Variants in FBLN2 observed in about 807,000 individuals in gnomAD.
The protein encoded by FBLN2 is fibulin-2.
Under a neutral mutation model 123.7 loss-of-function variants are expected in FBLN2, and 81 were observed. The observed-to-expected ratio is 0.65, with a 90% confidence interval of 0.55 to 0.79. The LOEUF is 0.79. Among genes scored for constraint, FBLN2 ranks in the 30% least tolerant of loss-of-function variants. The probability of loss-of-function intolerance (pLI) is 0.00; values close to 1 mark genes in which losing one functional copy is unlikely to be tolerated. For missense variants in FBLN2, 1,603 were observed against 1,681.3 expected (o/e 0.95, Z 0.81); for synonymous variants, 699 against 701.4 (o/e 1.00, Z 0.05).
intron 9 of FBLN2, 45 bp downstream of exon 9, chr3:13,621,960 T>A: frequency 3.1e-6 from 5 of 1,594,856 alleles, no homozygotes; most frequent in Non-Finnish European, 3.4e-6. Context: ...AGCTCTCCGC[T>A]CTGCTCCACG....
chr3:13,583,355 C>T (rs1451656265), intron 2 of FBLN2, among the ~76,000 whole-genome samples: 2 of 152,268 alleles, frequency 1.3e-5, no homozygotes, highest in Non-Finnish European at 1.5e-5. Flanking sequence ...GAGGCCCAGG[C>T]AGGTTAAGTG....
At chr3:13,624,590 G>A (rs1474064327) in intron 9 of FBLN2, among the ~76,000 whole-genome samples, 1 of 152,176 alleles carries the variant, frequency 6.6e-6, no homozygotes, top group Non-Finnish European at 1.5e-5. Flanking sequence ...TTTCCCCAGG[G>A]CCTTGGCCTC....
chr3:13,590,589 A>T (rs9854563), intron 2 of FBLN2, among the ~76,000 whole-genome samples: 1 of 150,496 alleles, frequency 6.6e-6, no homozygotes, highest in Non-Finnish European at 1.5e-5. Flanking sequence ...GCCTCCCAAA[A>T]TGCTGGGATT....
At chr3:13,609,689 C>CGCCCG in intron 4 of FBLN2, 47 bp downstream of exon 4, 2 of 428,810 alleles carry the variant, frequency 4.7e-6, no homozygotes, top group Non-Finnish European at 9.3e-6. Flanking sequence ...TGGGGCGGGG[C>CGCCCG]GGGAGGCTGG....
chr3:13,627,039 C>A (rs968121842), intron 10 of FBLN2, among the ~76,000 whole-genome samples: 4 of 151,960 alleles, frequency 2.6e-5, no homozygotes, highest in African/African-American at 7.2e-5. Context: ...TACCAGGGAT[C>A]CAGGGTGGGG....
chr3:13,629,896 T>C lies in FBLN2; in HGVS notation c.2919T>C (p.Cys973=). The C allele has an allele frequency of 6.2e-7, 1 of 1,606,284 alleles. No homozygotes were observed. Among genetic ancestry groups the C allele is most frequent in the South Asian group, 1.1e-5 (1 of 89,262 alleles). The change falls in exon 14 of 18, where the codon TGT becomes TGC. Residue 973 remains cysteine (C), a synonymous_variant. Transcript: ENST00000404922. ...TCENTLGSYR[C]SCASGFLLAA... ...AGAACACACTCGGCTCCTACCGCTG[T>C]TCCTGCGCCTCCGGGTTCCTGCTAG...
intron 4 of FBLN2, among the ~76,000 whole-genome samples, chr3:13,612,518 C>G (rs1347928119): frequency 6.6e-6 from 1 of 151,878 alleles, no homozygotes; most frequent in Non-Finnish European, 1.5e-5. Flanking sequence ...GTAGGTGGGA[C>G]TACAGGTGCC....
chr3:13,576,024 G>C (rs972324741), intron 2 of FBLN2, among the ~76,000 whole-genome samples: 1 of 152,190 alleles, frequency 6.6e-6, no homozygotes, highest in Admixed American at 6.6e-5. Flanking sequence ...GGCGAGTTCT[G>C]TGCCCTGCCC....
At chr3:13,579,475 T>C (rs936034112) in intron 2 of FBLN2, among the ~76,000 whole-genome samples, 3 of 152,242 alleles carry the variant, frequency 2.0e-5, no homozygotes, top group Non-Finnish European at 2.9e-5. Flanking sequence ...AGGACCACAC[T>C]TGAGAACCAC....
At chr3:13,631,929 A>C (rs1706271845) in intron 16 of FBLN2, among the ~76,000 whole-genome samples, 1 of 152,126 alleles carries the variant, frequency 6.6e-6, no homozygotes. Context: ...ACCCTGGTGC[A>C]GAAGGGCATT....
intron 2 of FBLN2, among the ~76,000 whole-genome samples, chr3:13,603,375 T>C (rs1219668571): frequency 6.7e-6 from 1 of 150,056 alleles, no homozygotes; most frequent in Non-Finnish European, 1.5e-5. Flanking sequence ...CTCCTAATGC[T>C]ATCCTTCCCC....
chr3:13,635,931 G>A (rs929249210), intron 16 of FBLN2, among the ~76,000 whole-genome samples: 1 of 152,228 alleles, frequency 6.6e-6, no homozygotes, highest in Non-Finnish European at 1.5e-5. Flanking sequence ...GGAGGGTGAT[G>A]GGGCAGGAGG....
Position 13,549,165 on chromosome 3 carries a change from G to A in FBLN2, c.-85G>A, listed in dbSNP as rs1415883896. 1.0e-6 allele frequency: 1 copy of A among 983,060 alleles called. No individual in the cohort carries two copies. Among genetic ancestry groups the A allele is most frequent in the South Asian group, 4.7e-5 (1 of 21,276 alleles). 60.9% of individuals were successfully genotyped at this position (983,060 alleles called of 1,614,324 possible). On this transcript the variant is annotated 5_prime_UTR_variant, in exon 1 of 18. Coordinates refer to ENST00000404922, the MANE Select transcript of FBLN2 (RefSeq NM_001004019.2). ...CCGCCCGGGCTCTCGACGCGCCGACGGCCGGGCGGACGGACGGACGGACGC... is the reference window on the plus strand; with the variant it reads ...CCGCCCGGGCTCTCGACGCGCCGACAGCCGGGCGGACGGACGGACGGACGC...
intron 1 of FBLN2, among the ~76,000 whole-genome samples, chr3:13,556,275 G>A (rs184462153): frequency 6.6e-6 from 1 of 152,036 alleles, no homozygotes; most frequent in Non-Finnish European, 1.5e-5. Flanking sequence ...TTTTCTTCCC[G>A]GCATGCACGT....
At chr3:13,625,129 G>A (rs977573468) in intron 9 of FBLN2, among the ~76,000 whole-genome samples, 36 of 142,022 alleles carry the variant, frequency 2.5e-4, no homozygotes, top group African/African-American at 5.1e-4. Context: ...TCTGTGGCCC[G>A]GGGGTGGTTT....
intron 2 of FBLN2, among the ~76,000 whole-genome samples, chr3:13,606,002 A>G (rs1321118414): frequency 6.6e-6 from 1 of 152,094 alleles, no homozygotes; most frequent in Non-Finnish European, 1.5e-5. Flanking sequence ...AGCTCACTGC[A>G]ACCTCCAACC....
chr3:13,631,567 G>C, intron 16 of FBLN2, 110 bp downstream of exon 16: 2 of 1,313,872 alleles, frequency 1.5e-6, no homozygotes, highest in South Asian at 3.1e-5. Context: ...CCCACACCCA[G>C]TGAATAAATG....
chr3:13,575,061 C>T (rs188294424), intron 2 of FBLN2, among the ~76,000 whole-genome samples: 2 of 152,312 alleles, frequency 1.3e-5, no homozygotes, highest in Admixed American at 6.5e-5. Flanking sequence ...AAGATATCAG[C>T]GGGTGGGCTG....
intron 1 of FBLN2, among the ~76,000 whole-genome samples, chr3:13,560,419 G>C (rs1703572223): frequency 6.6e-6 from 1 of 152,136 alleles, no homozygotes; most frequent in Non-Finnish European, 1.5e-5. Context: ...CCTACAGCTT[G>C]GTCTGTACTT....
Sources: allele counts gnomAD v4.1 joint callset (sites outside exome capture counted in the v4.1 genomes callset), GRCh38; gene constraint gnomAD v4.1.1; transcripts MANE v1.5; gene names NCBI Gene and HGNC (gene_info 2026-07-23, HGNC 2026-07-21).